KAZN: variants seen among roughly 807,000 people sequenced by gnomAD.
KAZN encodes the protein kazrin.
In KAZN, 40 loss-of-function variants were observed where a neutral mutation model predicts 87.4. The ratio of observed to expected loss-of-function variants is 0.46; its 90% CI spans 0.36 to 0.60. The LOEUF (loss-of-function observed/expected upper bound fraction) is 0.60. Among genes scored for constraint, KAZN ranks in the 20% least tolerant of loss-of-function variants. The probability of loss-of-function intolerance (pLI) is 0.00; values close to 1 mark genes in which losing one functional copy is unlikely to be tolerated. For missense variants in KAZN, 898 were observed against 1,073.9 expected, an observed-to-expected ratio of 0.84 and a Z score of 2.29; for synonymous variants, 466 against 458.3, an observed-to-expected ratio of 1.02 and a Z score of -0.22.
chr1:14,868,972 T>C (rs1651848329), intron 1 of KAZN, among the ~76,000 whole-genome samples: 1 of 152,194 alleles, frequency 6.6e-6, no homozygotes, highest in Non-Finnish European at 1.5e-5. Context: ...TGTTGATCTG[T>C]GTCCCCCACT....
In KAZN at chr1:14,763,900, C is replaced by T. The variant is rs139704606; in HGVS notation, c.226+164677C>T. 6.8e-4 allele frequency among the ~76,000 whole-genome samples: 103 copies of T among 152,262 alleles called. No homozygotes were observed. In the East Asian group the frequency reaches 0.018, roughly 26 times the overall value. Reference sequence around the variant, plus strand: ...AAGTAGCTGGGGTTACAGGCACGTGCCACCACACCCAGCTAATTTTTGTAT... The same window carrying T: ...AAGTAGCTGGGGTTACAGGCACGTGTCACCACACCCAGCTAATTTTTGTAT... On this transcript the variant is annotated intron_variant, in intron 1 of 14. Coordinates refer to ENST00000376030, the MANE Select transcript of KAZN (RefSeq NM_201628.3).
intron 3 of KAZN, among the ~76,000 whole-genome samples, chr1:15,037,100 C>A (rs1376816420): frequency 2.6e-5 from 4 of 152,164 alleles, no homozygotes; most frequent in African/African-American, 9.7e-5. Context: ...GCCTCCCCTT[C>A]TGTGTCCACC....
chr1:14,574,946 A>G (rs998231198), intron 2 of KAZN, among the ~76,000 whole-genome samples: 1 of 152,196 alleles, frequency 6.6e-6, no homozygotes, highest in African/African-American at 2.4e-5. Flanking sequence ...GAGGAAGAAC[A>G]AGAGGAAGAT....
intron 1 of KAZN, among the ~76,000 whole-genome samples, chr1:14,648,096 G>A (rs1359953390): frequency 2.6e-5 from 4 of 152,206 alleles, no homozygotes; most frequent in Non-Finnish European, 5.9e-5. Context: ...CAGAAGCACA[G>A]AAAATATGCT....
chr1:14,598,724 C>G lies in KAZN; in HGVS notation c.-274C>G. ...TCTCGGCGCCCGCCCGCCGGGGTCTCGGCGATCGCTGCTCCTCCTCCTCCT... is the reference window on the plus strand; with the variant it reads ...TCTCGGCGCCCGCCCGCCGGGGTCTGGGCGATCGCTGCTCCTCCTCCTCCT... On this transcript the variant is annotated 5_prime_UTR_variant, in exon 1 of 15. Coordinates refer to ENST00000376030, the MANE Select transcript of KAZN (RefSeq NM_201628.3). The surrounding 1 kb of genome is among the most constrained non-coding windows in gnomAD (Gnocchi z 4.2). The G allele has an allele frequency of 2.3e-6, 3 of 1,321,066 alleles. No homozygotes were observed. The highest frequency in any genetic ancestry group is 2.9e-6 in the Non-Finnish European group (3 of 1,044,164). 81.8% of individuals were successfully genotyped at this position (1,321,066 alleles called of 1,614,324 possible).
intron 2 of KAZN, among the ~76,000 whole-genome samples, chr1:14,970,762 C>T (rs992986290): frequency 2.6e-5 from 4 of 152,170 alleles, no homozygotes; most frequent in African/African-American, 7.2e-5. Context: ...CTGAGAACAA[C>T]GGAAAGGCTG....
At chr1:14,858,045 G>T (rs1206820401) in intron 1 of KAZN, among the ~76,000 whole-genome samples, 1 of 152,030 alleles carries the variant, frequency 6.6e-6, no homozygotes, top group Non-Finnish European at 1.5e-5. Context: ...CACGTAAATG[G>T]AGTCATGCAA....
At chr1:14,645,722 T>G (rs1557861189) in intron 1 of KAZN, among the ~76,000 whole-genome samples, 3 of 152,318 alleles carry the variant, frequency 2.0e-5, no homozygotes, top group East Asian at 1.9e-4. Context: ...TCTCTTCCTA[T>G]TTGGATGCCC....
chr1:14,806,698 C>T (rs1646234257), intron 1 of KAZN, among the ~76,000 whole-genome samples: 2 of 152,190 alleles, frequency 1.3e-5, no homozygotes, highest in African/African-American at 4.8e-5. Context: ...CACTCCCAAC[C>T]TAACCACTAC....
intron 2 of KAZN, among the ~76,000 whole-genome samples, chr1:14,573,419 C>T (rs1270527258): frequency 2.6e-5 from 4 of 152,202 alleles, no homozygotes; most frequent in South Asian, 2.1e-4. Context: ...CAGGCCGAGG[C>T]GGGCAGATCA....
intron 2 of KAZN, among the ~76,000 whole-genome samples, chr1:14,283,390 A>C (rs1652997844): frequency 6.6e-6 from 1 of 152,244 alleles, no homozygotes; most frequent in Admixed American, 6.5e-5. Flanking sequence ...GGCTACTGAC[A>C]TGAAGAGGAA....
chr1:15,080,434 C>T (rs78138932), intron 8 of KAZN, among the ~76,000 whole-genome samples: 1 of 151,982 alleles, frequency 6.6e-6, no homozygotes, highest in Non-Finnish European at 1.5e-5. Context: ...ACCTCGCTGC[C>T]CACCAAGGGT....
chr1:14,361,978 A>C (rs1382056389), intron 2 of KAZN, among the ~76,000 whole-genome samples: 1 of 152,250 alleles, frequency 6.6e-6, no homozygotes, highest in African/African-American at 2.4e-5. Flanking sequence ...AGTTAAGGCA[A>C]ATATGGGAAC....
At chr1:14,325,295 A>T (rs982861199) in intron 2 of KAZN, among the ~76,000 whole-genome samples, 26 of 152,188 alleles carry the variant, frequency 1.7e-4, no homozygotes, top group Admixed American at 1.7e-3. Context: ...AGTTGCAGTC[A>T]TCTAAATTAT....
rs762613728 is a variant in KAZN, at chr1:14,858,209, C to CTTTT, written c.227-102474_227-102471dup. Among the ~76,000 whole-genome samples the CTTTT allele has an allele frequency of 6.1e-4, 71 of 115,878 alleles. 4 individuals carry two copies. Among genetic ancestry groups the CTTTT allele is most frequent in the Middle Eastern group, 5.4e-3 (1 of 184 alleles). The allele number at this position is 115,878 out of a possible 152,430, so 76.0% of individuals were successfully genotyped here. On this transcript the variant is annotated intron_variant, in intron 1 of 14. Transcript: ENST00000376030. ...CTTTCTTTTTTTCTTTTTTCTTTTT[C>CTTTT]TTTTCTTTTTTTTTTTTTTTTGAGA...
chr1:14,274,262 T>C (rs1652177714), intron 2 of KAZN, among the ~76,000 whole-genome samples: 1 of 152,206 alleles, frequency 6.6e-6, no homozygotes, highest in Non-Finnish European at 1.5e-5. Flanking sequence ...TTGTATGAAA[T>C]GGGATAAGTG....
chr1:14,341,855 G>A (rs1657751987), intron 2 of KAZN, among the ~76,000 whole-genome samples: 1 of 152,088 alleles, frequency 6.6e-6, no homozygotes, highest in African/African-American at 2.4e-5. Flanking sequence ...TGTGTTCAGG[G>A]GTACTTGTGC....
At chr1:14,053,629 G>C (rs910083857) in intron 1 of KAZN, among the ~76,000 whole-genome samples, 1 of 152,148 alleles carries the variant, frequency 6.6e-6, no homozygotes, top group Non-Finnish European at 1.5e-5. Flanking sequence ...ATCTTCATGG[G>C]ACCTAGGTAC....
In KAZN at chr1:14,009,958, ACT is replaced by A. The variant is rs572853932; in HGVS notation, c.91+116208_91+116209del. On this transcript the variant is annotated intron_variant, in intron 1 of 16. Transcript: ENST00000636203. Reference sequence around the variant, plus strand: ...TGGTTTCCTTAATGGCCAGAAACACACTCTCTCCCACTCCCCTGTTTACTTTT... The same window carrying A: ...TGGTTTCCTTAATGGCCAGAAACACACTCTCCCACTCCCCTGTTTACTTTT... 2.5e-3 allele frequency among the ~76,000 whole-genome samples: 377 copies of A among 151,518 alleles called. 3 individuals are homozygous for A. The highest frequency in any genetic ancestry group is 8.9e-3 in the African/African-American group (367 of 41,240).
Sources: gnomAD v4.1 joint callset for allele counts (sites outside exome capture counted in the v4.1 genomes callset) on GRCh38, gnomAD v4.1.1 for gene constraint, Gnocchi (gnomAD v3.1) non-coding constraint, MANE v1.5 for transcripts, NCBI Gene and HGNC (gene_info 2026-07-23, HGNC 2026-07-21) for gene names.